DENND1A: variants seen among roughly 807,000 people sequenced by gnomAD.
DENND1A encodes the protein DENN domain-containing protein 1A.
Under a neutral mutation model 113.7 loss-of-function variants are expected in DENND1A, and 51 were observed. The observed-to-expected ratio is 0.45, with a 90% confidence interval of 0.36 to 0.57. The LOEUF (loss-of-function observed/expected upper bound fraction) is 0.57. DENND1A is among the 20% of genes least tolerant of loss of function. The pLI is 0.00. For synonymous variants in DENND1A, 565 were observed against 570.8 expected (o/e 0.99, Z 0.14); for missense variants, 1,258 against 1,395.9 (o/e 0.90, Z 1.57).
intron 2 of DENND1A, 63 bp from the exon 3 acceptor site, chr9:123,792,693 C>T (rs1490053003): frequency 1.9e-6 from 3 of 1,565,276 alleles, no homozygotes; most frequent in Admixed American, 3.4e-5. Flanking sequence ...GAGGATCACA[C>T]ATTAATATTT....
At position 123,919,658 on chromosome 9, in the gene DENND1A, GATCA is replaced by G. The variant is rs1175154372; in HGVS notation, c.17+10227_17+10230del. Among the ~76,000 whole-genome samples, 384 of 151,524 alleles carry G rather than the reference GATCA, an allele frequency of 2.5e-3. 1 individual carries two copies. Among genetic ancestry groups the G allele is most frequent in the Non-Finnish European group, 4.2e-3 (282 of 67,664 alleles). On this transcript the variant is annotated intron_variant, in intron 1 of 23. Coordinates refer to ENST00000394215, the MANE Select transcript of DENND1A (RefSeq NM_001352964.2). The stretch of plus-strand genomic sequence containing the variant: ...GCACTTTGGGAGGTGGAGGCAGGCA[GATCA>G]CTTGAGGTCAGGTGTTTGAGATCAG...
At chr9:123,617,498 T>G (rs1589372829) in intron 10 of DENND1A, among the ~76,000 whole-genome samples, 1 of 151,990 alleles carries the variant, frequency 6.6e-6, no homozygotes, top group South Asian at 2.1e-4. Flanking sequence ...GTGGGGGTGG[T>G]GGAGATGCCT....
chr9:123,404,563 C>T (rs559960176), intron 20 of DENND1A, among the ~76,000 whole-genome samples: 2 of 149,454 alleles, frequency 1.3e-5, no homozygotes, highest in East Asian at 3.9e-4. Flanking sequence ...CTCCTGCCCA[C>T]CCTTTGAGTT....
At chr9:123,482,977 G>C (rs2050474231) in intron 13 of DENND1A, among the ~76,000 whole-genome samples, 1 of 152,186 alleles carries the variant, frequency 6.6e-6, no homozygotes, top group African/African-American at 2.4e-5. Context: ...GGGTGGCTGG[G>C]GGAAGGGAGT....
chr9:123,604,325 G>C lies in DENND1A; in HGVS notation c.765+5111C>G. Among the ~76,000 whole-genome samples the C allele has an allele frequency of 1.3e-5, 2 of 152,168 alleles. 1 individual carries two copies. The highest frequency in any genetic ancestry group is 4.1e-4 in the South Asian group (2 of 4,828). On this transcript the variant is annotated intron_variant, in intron 11 of 23. Transcript: ENST00000394215. ...CTGAGAAGCATTATTCTCAAGGCTAGGGTCAGCATCTCTCCTCCCAGAGCC... is the reference window on the plus strand; with the variant it reads ...CTGAGAAGCATTATTCTCAAGGCTACGGTCAGCATCTCTCCTCCCAGAGCC...
chr9:123,822,493 A>G (rs1431877682), intron 2 of DENND1A, among the ~76,000 whole-genome samples: 1 of 152,222 alleles, frequency 6.6e-6, no homozygotes, highest in African/African-American at 2.4e-5. Context: ...TGCATTTACG[A>G]CTAAGGAGGA....
Position 123,819,249 on chromosome 9 carries a change from C to T in DENND1A, c.89-26619G>A, listed in dbSNP as rs530931843. Among the ~76,000 whole-genome samples, 13 of 152,264 alleles carry T rather than the reference C, an allele frequency of 8.5e-5. No homozygotes were observed. The South Asian group carries it at 1.2e-3, about 15-fold the overall frequency. ...ACATTACACACCATACAAACACATG[C>T]ACACACACAAAAGTATCCTTCACTA... On this transcript the variant is annotated intron_variant, in intron 2 of 23. Transcript: ENST00000394215.
chr9:123,927,727 C>T (rs983441974), intron 1 of DENND1A, among the ~76,000 whole-genome samples: 1 of 152,104 alleles, frequency 6.6e-6, no homozygotes, highest in Non-Finnish European at 1.5e-5. Flanking sequence ...CAAAAGGAAC[C>T]CCTCCCCCTT....
chr9:123,650,052 A>C (rs1036229055), intron 9 of DENND1A, among the ~76,000 whole-genome samples: 4 of 152,234 alleles, frequency 2.6e-5, no homozygotes, highest in African/African-American at 4.8e-5. Flanking sequence ...GTTTTTGTTG[A>C]CTGAAATTTA....
intron 2 of DENND1A, among the ~76,000 whole-genome samples, chr9:123,863,832 T>C (rs1430230606): frequency 6.6e-6 from 1 of 152,178 alleles, no homozygotes; most frequent in Non-Finnish European, 1.5e-5. Flanking sequence ...ATGTCCTCTA[T>C]AGGAAGCTGA....
chr9:123,913,402 G>A (rs905437109), intron 1 of DENND1A, among the ~76,000 whole-genome samples: 2 of 152,132 alleles, frequency 1.3e-5, no homozygotes, highest in African/African-American at 2.4e-5. Context: ...GGACATTCCA[G>A]GGTTATAACA....
chr9:123,391,657 C>T (rs1309707037), intron 21 of DENND1A, among the ~76,000 whole-genome samples: 1 of 150,260 alleles, frequency 6.7e-6, no homozygotes, highest in East Asian at 2.0e-4. Context: ...ATTCAGCTGC[C>T]CATGTTCTCC....
intron 13 of DENND1A, among the ~76,000 whole-genome samples, chr9:123,549,100 G>A (rs574346247): frequency 6.6e-6 from 1 of 152,114 alleles, no homozygotes; most frequent in South Asian, 2.1e-4. Flanking sequence ...TTTCCTTAAA[G>A]CATGGGCTCT....
intron 9 of DENND1A, among the ~76,000 whole-genome samples, chr9:123,644,378 C>CAAAAAAAAAA (rs10541486): frequency 1.2e-5 from 1 of 84,070 alleles, no homozygotes; most frequent in East Asian, 4.3e-4. Context: ...TTACAAGCTA[C>CAAAAAAAAAA]AAAAAAAAAA....
intron 9 of DENND1A, among the ~76,000 whole-genome samples, chr9:123,639,433 C>T (rs1052490808): frequency 1.5e-5 from 2 of 137,240 alleles, no homozygotes; most frequent in Admixed American, 7.6e-5. Flanking sequence ...AATGAGCCTC[C>T]GTATCCCCCC....
At chr9:123,705,067 TTA>T (rs1491524831) in intron 5 of DENND1A, among the ~76,000 whole-genome samples, 2 of 114,696 alleles carry the variant, frequency 1.7e-5, no homozygotes, top group African/African-American at 1.2e-4. Context: ...CAAGATGAAT[TTA>T]AAAAAAAAAA....
At chr9:123,910,704 C>G (rs1853802495) in intron 1 of DENND1A, among the ~76,000 whole-genome samples, 1 of 152,140 alleles carries the variant, frequency 6.6e-6, no homozygotes, top group Non-Finnish European at 1.5e-5. Context: ...CTTTGGGAGG[C>G]TGAGGCAGGC....
At chr9:123,661,186 G>A (rs1270667901) in intron 8 of DENND1A, among the ~76,000 whole-genome samples, 1 of 152,204 alleles carries the variant, frequency 6.6e-6, no homozygotes. Flanking sequence ...AGGAGACGGG[G>A]TGCAAATAAA....
At chr9:123,407,226 G>A (rs1025054037) in intron 20 of DENND1A, among the ~76,000 whole-genome samples, 1 of 151,954 alleles carries the variant, frequency 6.6e-6, no homozygotes, top group Non-Finnish European at 1.5e-5. Context: ...AGAAAGACAC[G>A]CCAGACCCAG....
Sources: gnomAD v4.1 joint callset for allele counts (sites outside exome capture counted in the v4.1 genomes callset) on GRCh38, gnomAD v4.1.1 for gene constraint, MANE v1.5 for transcripts, NCBI Gene and HGNC (gene_info 2026-07-23, HGNC 2026-07-21) for gene names.